Variants in OR9K2 observed in about 807,000 individuals in gnomAD.
OR9K2 encodes the protein olfactory receptor family 9 subfamily K member 2, also known as olfactory receptor 9K2.
A neutral mutation model predicts 12.4 loss-of-function variants in OR9K2; 16 were observed. The observed-to-expected ratio is 1.29, with a 90% CI of 0.87 to 1.95. The LOEUF (loss-of-function observed/expected upper bound fraction) is 1.95, where lower values mean the gene tolerates loss of function less well. OR9K2 is among the 30% of genes most tolerant of loss of function. The pLI is 0.00. For missense variants in OR9K2, 434 were observed against 376.5 expected, an observed-to-expected ratio of 1.15 and a Z score of -1.26; for synonymous variants, 133 against 133.2, an observed-to-expected ratio of 1.00 and a Z score of 0.01.
At chr12:55,128,606 G>A (rs888963127) in intron 2 of OR9K2, among the ~76,000 whole-genome samples, 1 of 152,000 alleles carries the variant, frequency 6.6e-6, no homozygotes, top group Non-Finnish European at 1.5e-5. Flanking sequence ...TACTATGAAA[G>A]CATTTAGAAA....
rs555504961 is a variant in OR9K2, at chr12:55,127,131, C to T, written c.-10+220C>T. ...TTCTCTGATTCCACATACTCATTAT[C>T]ATTCAGCTTTTTTCTACGTAATAAT... On this transcript the variant is annotated intron_variant, in intron 2 of 2. Transcript: ENST00000641329. Among the ~76,000 whole-genome samples, 97 of 151,886 alleles carry T rather than the reference C, an allele frequency of 6.4e-4. 1 individual carries two copies. The highest frequency in any genetic ancestry group is 2.2e-3 in the African/African-American group (93 of 41,496).
chr12:55,130,973 C>T lies in OR9K2; in HGVS notation c.*197C>T, dbSNP rs1422203826. On this transcript the variant is annotated 3_prime_UTR_variant, in exon 3 of 3. Coordinates refer to ENST00000641329, the MANE Select transcript of OR9K2 (RefSeq NM_001005243.2). ...TCTTGGATATTGGAGATATCCTGGA[C>T]ATTAGAGAAGTATTTTCATGATAAA... 3 of 444,758 alleles carry T rather than the reference C, an allele frequency of 6.7e-6. No homozygotes were observed. Among genetic ancestry groups the T allele is most frequent in the South Asian group, 7.8e-5 (2 of 25,618 alleles). The allele number at this position is 444,758 out of a possible 1,614,324, so 27.6% of individuals were successfully genotyped here. A position where few individuals can be genotyped will look rare whatever the true frequency, so the allele number is the denominator to read the frequency against.
chr12:55,132,114 C>A lies in OR9K2; in HGVS notation c.*1338C>A, dbSNP rs1425527703. 6.6e-6 allele frequency: 1 copy of A among 152,108 alleles called. No individual in the cohort carries two copies. The highest frequency in any genetic ancestry group is 1.5e-5 in the Non-Finnish European group (1 of 68,030). 9.4% of individuals were successfully genotyped at this position (152,108 alleles called of 1,614,324 possible). A position where few individuals can be genotyped will look rare whatever the true frequency, so the allele number is the denominator to read the frequency against. On this transcript the variant is annotated 3_prime_UTR_variant, in exon 3 of 3. Coordinates refer to ENST00000641329, the MANE Select transcript of OR9K2 (RefSeq NM_001005243.2). ...TGCCTTGATGAACATGTATGAAAAA[C>A]CTACAGTGAACATTTTAAATGACAA...
Position 55,132,572 on chromosome 12 carries a change from G to C in OR9K2, c.*1796G>C, listed in dbSNP as rs1026859683. 6.6e-6 allele frequency: 1 copy of C among 152,150 alleles called. No individual in the cohort carries two copies. The highest frequency in any genetic ancestry group is 1.5e-5 in the Non-Finnish European group (1 of 68,032). 9.4% of individuals were successfully genotyped at this position (152,150 alleles called of 1,614,324 possible). The stretch of plus-strand genomic sequence containing the variant: ...CCAACTCTGCTGACACCTTGATCTT[G>C]GGCTTCCAGCCTCTATCACTAAGAA... On this transcript the variant is annotated 3_prime_UTR_variant, in exon 3 of 3. Transcript: ENST00000641329.
rs1037123508 is a variant in OR9K2, at chr12:55,126,476, A to G, written c.-134A>G. ...TGCCTTGAAAGCATACAAGTTTCTGAGAATTCAGGATAGATAATATCTTGT... is the reference window on the plus strand; with the variant it reads ...TGCCTTGAAAGCATACAAGTTTCTGGGAATTCAGGATAGATAATATCTTGT... On this transcript the variant is annotated 5_prime_UTR_variant, in exon 1 of 3. Coordinates refer to ENST00000641329, the MANE Select transcript of OR9K2 (RefSeq NM_001005243.2). 5 of 152,180 alleles carry G rather than the reference A, an allele frequency of 3.3e-5. No individual in the cohort carries two copies. Among genetic ancestry groups the G allele is most frequent in the African/African-American group, 7.2e-5 (3 of 41,452 alleles). The allele number at this position is 152,180 out of a possible 1,614,324, so 9.4% of individuals were successfully genotyped here. A position where few individuals can be genotyped will look rare whatever the true frequency, so the allele number is the denominator to read the frequency against.
Position 55,130,157 on chromosome 12 carries a change from C to T in OR9K2, c.323C>T (p.Ala108Val), listed in dbSNP as rs767941660. The change falls in exon 3 of 3, where the codon GCC (alanine) becomes GTC (valine). Residue 108 changes from alanine (A) to valine (V), a missense_variant. Transcript: ENST00000641329. ...TGTGTGGCCCAGCTCTTTCTCTTTGCCCTCCTCATTGTGACTGAGGGATTT... is the reference window on the plus strand; with the variant it reads ...TGTGTGGCCCAGCTCTTTCTCTTTGTCCTCCTCATTGTGACTGAGGGATTT... ...AGCVAQLFLF[A>V]LLIVTEGFLL... The T allele has an allele frequency of 2.0e-5, 33 of 1,613,904 alleles. No individual in the cohort carries two copies. The highest frequency in any genetic ancestry group is 1.5e-5 in the Non-Finnish European group (18 of 1,180,016).
intron 2 of OR9K2, 41 bp from the exon 3 acceptor site, chr12:55,129,785 C>G (rs1953454600): frequency 2.5e-6 from 4 of 1,598,390 alleles, no homozygotes; most frequent in Non-Finnish European, 3.4e-6. Context: ...GGATCCAAAC[C>G]AAGAGTTCAT....
rs192393134 is a variant in OR9K2, at chr12:55,130,775, G to A, written c.941G>A (p.Ter314=). The A allele has an allele frequency of 8.6e-5, 129 of 1,491,434 alleles. No homozygotes were observed. Among genetic ancestry groups the A allele is most frequent in the Non-Finnish European group, 1.1e-4 (125 of 1,089,090 alleles). 92.4% of individuals were successfully genotyped at this position (1,491,434 alleles called of 1,614,324 possible). A position where few individuals can be genotyped will look rare whatever the true frequency, so the allele number is the denominator to read the frequency against. The change falls in exon 3 of 3, where the codon TGA becomes TAA. Residue 314 remains the stop codon, a stop_retained_variant. Transcript: ENST00000641329. ...CTAGAGAAGAAAAATATTATTCTTT[G>A]ATTATTATTTCTCTTTCACCAATTT... The part of the protein sequence containing the change: ...KFLEKKNIIL[*]
At chr12:55,128,378 G>C (rs960138838) in intron 2 of OR9K2, among the ~76,000 whole-genome samples, 1 of 151,150 alleles carries the variant, frequency 6.6e-6, no homozygotes, top group Non-Finnish European at 1.5e-5. Flanking sequence ...GAACAGGAAG[G>C]GTCCTTTATT....
intron 2 of OR9K2, among the ~76,000 whole-genome samples, chr12:55,128,215 A>C (rs1046801473): frequency 6.6e-6 from 1 of 151,834 alleles, no homozygotes; most frequent in African/African-American, 2.4e-5. Flanking sequence ...AGAATAATTA[A>C]TATGTAACCT....
chr12:55,129,591 G>C (rs1053077735), intron 2 of OR9K2: 13 of 584,004 alleles, frequency 2.2e-5, no homozygotes, highest in Non-Finnish European at 3.3e-5. Flanking sequence ...CATTGTATTA[G>C]ATGCAGAGGC....
chr12:55,130,999 C>A lies in OR9K2; in HGVS notation c.*223C>A, dbSNP rs1179285508. 1.6e-5 allele frequency: 6 copies of A among 377,768 alleles called. No individual in the cohort carries two copies. Among genetic ancestry groups the A allele is most frequent in the Non-Finnish European group, 2.4e-5 (5 of 210,228 alleles). The allele number at this position is 377,768 out of a possible 1,614,324, so 23.4% of individuals were successfully genotyped here. A position where few individuals can be genotyped will look rare whatever the true frequency, so the allele number is the denominator to read the frequency against. On this transcript the variant is annotated 3_prime_UTR_variant, in exon 3 of 3. Transcript: ENST00000641329. ...ATTAGAGAAGTATTTTCATGATAAA[C>A]CCTCTCACTGGTCTTCAACATTTTA...
Position 55,131,277 on chromosome 12 carries a change from A to G in OR9K2, c.*501A>G, listed in dbSNP as rs925671755. On this transcript the variant is annotated 3_prime_UTR_variant, in exon 3 of 3. Transcript: ENST00000641329. ...TTCACCTTATGTGTGCTAGATAGGAAGTACTAATAATAAGAAACAAACTAT... is the reference window on the plus strand; with the variant it reads ...TTCACCTTATGTGTGCTAGATAGGAGGTACTAATAATAAGAAACAAACTAT... The G allele has an allele frequency of 6.6e-6, 1 of 152,602 alleles. No individual in the cohort carries two copies. The highest frequency in any genetic ancestry group is 1.5e-5 in the Non-Finnish European group (1 of 68,354). 9.5% of individuals were successfully genotyped at this position (152,602 alleles called of 1,614,324 possible).
chr12:55,128,193 A>G (rs1052147135), intron 2 of OR9K2, among the ~76,000 whole-genome samples: 3 of 151,898 alleles, frequency 2.0e-5, no homozygotes, highest in African/African-American at 7.2e-5. Context: ...GTCTTAAGTT[A>G]TTGTCAAGTG....
chr12:55,127,723 T>C (rs1219251514), intron 2 of OR9K2, among the ~76,000 whole-genome samples: 1 of 152,078 alleles, frequency 6.6e-6, no homozygotes. Flanking sequence ...CGACCATATA[T>C]ATTATTGGTT....
Position 55,132,357 on chromosome 12 carries a change from A to G in OR9K2, c.*1581A>G, listed in dbSNP as rs1953480805. The G allele has an allele frequency of 6.6e-6, 1 of 152,252 alleles. No homozygotes were observed. The highest frequency in any genetic ancestry group is 6.5e-5 in the Admixed American group (1 of 15,278). The allele number at this position is 152,252 out of a possible 1,614,324, so 9.4% of individuals were successfully genotyped here. A position where few individuals can be genotyped will look rare whatever the true frequency, so the allele number is the denominator to read the frequency against. ...GACTTTAATTAGTGATAGGGTCTTC[A>G]AAGATGTAATTGAGTTAAAATAAGG... On this transcript the variant is annotated 3_prime_UTR_variant, in exon 3 of 3. Transcript: ENST00000641329.
In OR9K2 at chr12:55,130,043, C is replaced by T. The variant is rs1179785173; in HGVS notation, c.209C>T (p.Ser70Phe). ...ATGTATTTTTTCCTAGGCAATCTCT[C>T]CTTCATTGATCTTTTCTATTCATCT... The part of the protein sequence containing the change: ...TPMYFFLGNL[S>F]FIDLFYSSVI... Residue 70 changes from serine (S) to phenylalanine (F), a missense_variant, in exon 3 of 3, where the codon TCC becomes TTC. Ser to Phe is a radical substitution (Grantham distance 155, BLOSUM62 -2). Transcript: ENST00000641329. 1 of 1,612,826 alleles carries T rather than the reference C, an allele frequency of 6.2e-7. No individual in the cohort carries two copies. The highest frequency in any genetic ancestry group is 1.1e-5 in the South Asian group (1 of 91,076).
Position 55,131,590 on chromosome 12 carries a change from A to T in OR9K2, c.*814A>T, listed in dbSNP as rs1953473751. 1.3e-5 allele frequency: 2 copies of T among 152,206 alleles called. No homozygotes were observed. 9.4% of individuals were successfully genotyped at this position (152,206 alleles called of 1,614,324 possible). On this transcript the variant is annotated 3_prime_UTR_variant, in exon 3 of 3. Coordinates refer to ENST00000641329, the MANE Select transcript of OR9K2 (RefSeq NM_001005243.2). ...CTTAATATAGGTATATATTTGATTA[A>T]TCTTATTGAATATCTGTATAATATG... is the stretch of plus-strand genomic sequence containing the variant.
rs1013612073 is a variant in OR9K2, at chr12:55,132,076, G to C, written c.*1300G>C. 5.3e-5 allele frequency: 8 copies of C among 152,238 alleles called. No homozygotes were observed. Among genetic ancestry groups the C allele is most frequent in the Admixed American group, 4.6e-4 (7 of 15,282 alleles). The allele number at this position is 152,238 out of a possible 1,614,324, so 9.4% of individuals were successfully genotyped here. A position where few individuals can be genotyped will look rare whatever the true frequency, so the allele number is the denominator to read the frequency against. On this transcript the variant is annotated 3_prime_UTR_variant, in exon 3 of 3. Transcript: ENST00000641329. The stretch of plus-strand genomic sequence containing the variant: ...GAGCTCTCAGAAAACCTGAAATAAA[G>C]GGGGAACTTTCTTGCCTTGATGAAC...
Sources: allele counts gnomAD v4.1 joint callset (sites outside exome capture counted in the v4.1 genomes callset), GRCh38; gene constraint gnomAD v4.1.1; transcripts MANE v1.5; gene names NCBI Gene and HGNC (gene_info 2026-07-23, HGNC 2026-07-21).